The following GPR137C variants were observed in gnomAD, a reference collection of about 807,000 sequenced individuals.
GPR137C encodes the protein G protein-coupled receptor 137C, also known as integral membrane protein GPR137C.
A neutral mutation model predicts 43.4 loss-of-function variants in GPR137C; 27 were observed. The observed-to-expected ratio is 0.62, with a 90% CI of 0.46 to 0.86. GPR137C has a LOEUF of 0.86. Ranked by LOEUF, GPR137C falls within the 40% of genes least tolerant of loss-of-function variation. The pLI, the probability that GPR137C is intolerant of heterozygous loss-of-function variation, is 0.00. For synonymous variants in GPR137C, 285 were observed against 226.9 expected (o/e 1.26, Z -2.30); for missense variants, 522 against 534.6 (o/e 0.98, Z 0.23).
rs552605323 is a variant in GPR137C, at chr14:52,602,906, A to G, written c.717+2565A>G. ...TACATGTATACAATATGTAATAATC[A>G]AATCAGGGTAATTGGGATATCATCA... On this transcript the variant is annotated intron_variant, in intron 3 of 6. Coordinates refer to ENST00000321662, the MANE Select transcript of GPR137C (RefSeq NM_001099652.2). 9.9e-5 allele frequency among the ~76,000 whole-genome samples: 15 copies of G among 151,926 alleles called. No homozygotes were observed. In the East Asian group the frequency reaches 2.9e-3, roughly 29 times the overall value.
rs544362044 is a variant in GPR137C, at chr14:52,637,035, C to T, written c.*1920C>T. 1 of 152,188 alleles carries T rather than the reference C, an allele frequency of 6.6e-6. No individual in the cohort carries two copies. The highest frequency in any genetic ancestry group is 6.5e-5 in the Admixed American group (1 of 15,278). The allele number at this position is 152,188 out of a possible 1,614,324, so 9.4% of individuals were successfully genotyped here. On this transcript the variant is annotated 3_prime_UTR_variant, in exon 7 of 7. Transcript: ENST00000321662. ...TAGTAAGGCTCCCCTCGATAATGTT[C>T]CTATTTGACCAAACTAACAAAGATT... is the stretch of plus-strand genomic sequence containing the variant.
intron 1 of GPR137C, among the ~76,000 whole-genome samples, chr14:52,559,281 A>G (rs1303954417): frequency 6.6e-6 from 1 of 152,042 alleles, no homozygotes; most frequent in Non-Finnish European, 1.5e-5. Flanking sequence ...GAAGAGAGAG[A>G]GAAGGCAGGA....
chr14:52,629,664 G>A (rs187532874), intron 3 of GPR137C, among the ~76,000 whole-genome samples: 1 of 152,242 alleles, frequency 6.6e-6, no homozygotes, highest in Admixed American at 6.5e-5. Context: ...CCAAAGCAGG[G>A]GAGCATTTGT....
intron 1 of GPR137C, among the ~76,000 whole-genome samples, chr14:52,567,649 CTTTTTTTTTTTGG>C (rs1396610556): frequency 7.5e-6 from 1 of 133,120 alleles, no homozygotes; most frequent in African/African-American, 2.8e-5. Flanking sequence ...TCAGATTGTT[CTTTTTTTTTTTGG>C]TTTTTTTTTT....
At chr14:52,599,593 C>G (rs1331970341) in intron 2 of GPR137C, among the ~76,000 whole-genome samples, 1 of 152,034 alleles carries the variant, frequency 6.6e-6, no homozygotes, top group Non-Finnish European at 1.5e-5. Flanking sequence ...GCCGCCATAC[C>G]CAGCTAATTT....
chr14:52,577,642 A>G (rs1428204063), intron 1 of GPR137C, among the ~76,000 whole-genome samples: 1 of 152,002 alleles, frequency 6.6e-6, no homozygotes, highest in Non-Finnish European at 1.5e-5. Context: ...AGAAACTATA[A>G]AGATCTGATT....
intron 3 of GPR137C, among the ~76,000 whole-genome samples, chr14:52,601,632 G>C (rs2038927135): frequency 6.6e-6 from 1 of 151,694 alleles, no homozygotes; most frequent in Non-Finnish European, 1.5e-5. Context: ...AAATATTTTA[G>C]CTAATTCAGG....
intron 2 of GPR137C, among the ~76,000 whole-genome samples, chr14:52,598,716 G>T (rs986845509): frequency 1.3e-5 from 2 of 152,108 alleles, no homozygotes; most frequent in Non-Finnish European, 2.9e-5. Context: ...GCTAAGCTGT[G>T]GAGTCAGGAG....
chr14:52,584,582 C>T (rs1043494012), intron 1 of GPR137C, among the ~76,000 whole-genome samples: 7 of 152,102 alleles, frequency 4.6e-5, no homozygotes, highest in Non-Finnish European at 1.0e-4. Flanking sequence ...TCCTGACTCC[C>T]TTTTGTTAAG....
intron 3 of GPR137C, among the ~76,000 whole-genome samples, chr14:52,625,942 C>A (rs184110079): frequency 2.7e-3 from 414 of 152,140 alleles, no homozygotes; most frequent in Middle Eastern, 6.8e-3. Flanking sequence ...CCTCTGTATT[C>A]ACAGGTCCTA....
intron 1 of GPR137C, among the ~76,000 whole-genome samples, chr14:52,568,923 C>T (rs1235771367): frequency 2.0e-5 from 3 of 152,244 alleles, no homozygotes; most frequent in East Asian, 3.9e-4. Flanking sequence ...GCGGATCTCC[C>T]AGCACAGCGC....
At chr14:52,578,518 ACTCT>A (rs1309749488) in intron 1 of GPR137C, among the ~76,000 whole-genome samples, 5 of 150,546 alleles carry the variant, frequency 3.3e-5, no homozygotes, top group Admixed American at 6.6e-5. Flanking sequence ...CTCCATATCT[ACTCT>A]CTCTAAGTTT....
chr14:52,600,004 A>C (rs1440309923), intron 2 of GPR137C, 109 bp from the exon 3 acceptor site: 3 of 715,234 alleles, frequency 4.2e-6, no homozygotes, highest in Non-Finnish European at 4.7e-6. Context: ...GCCATTCATA[A>C]ACATTTCAAA....
At chr14:52,628,156 GAAAGA>G (rs1390502327) in intron 3 of GPR137C, among the ~76,000 whole-genome samples, 1 of 152,176 alleles carries the variant, frequency 6.6e-6, no homozygotes, top group Non-Finnish European at 1.5e-5. Context: ...ACTGACATGA[GAAAGA>G]CAGATTAGTA....
At chr14:52,630,296 G>T (rs537306764) in intron 3 of GPR137C, among the ~76,000 whole-genome samples, 3 of 152,126 alleles carry the variant, frequency 2.0e-5, no homozygotes, top group East Asian at 3.9e-4. Context: ...TCTGACAGTT[G>T]TCATATTTCC....
At chr14:52,630,852 C>A (rs897570638) in intron 3 of GPR137C, among the ~76,000 whole-genome samples, 1 of 151,982 alleles carries the variant, frequency 6.6e-6, no homozygotes, top group African/African-American at 2.4e-5. Flanking sequence ...AAAAGGAGAG[C>A]AATTAATAAA....
chr14:52,589,303 G>C (rs147139869), intron 1 of GPR137C, among the ~76,000 whole-genome samples: 47 of 152,212 alleles, frequency 3.1e-4, no homozygotes, highest in African/African-American at 1.1e-3. Context: ...TCAGGAGATG[G>C]ATAAAGGTGA....
chr14:52,597,996 A>G (rs955343099), intron 1 of GPR137C, among the ~76,000 whole-genome samples: 1 of 152,228 alleles, frequency 6.6e-6, no homozygotes. Flanking sequence ...CTGCCTCATA[A>G]TACAAGTACA....
intron 3 of GPR137C, among the ~76,000 whole-genome samples, chr14:52,601,450 A>T (rs565101225): frequency 1.3e-5 from 2 of 151,668 alleles, no homozygotes; most frequent in East Asian, 3.9e-4. Context: ...TTTTAAATAT[A>T]TTTCAGTGGA....
Sources: allele counts gnomAD v4.1 joint callset (sites outside exome capture counted in the v4.1 genomes callset), GRCh38; gene constraint gnomAD v4.1.1; transcripts MANE v1.5; gene names NCBI Gene and HGNC (gene_info 2026-07-23, HGNC 2026-07-21).